The following OR1B1 variants were observed in gnomAD, a reference collection of about 807,000 sequenced individuals.
OR1B1 encodes the protein olfactory receptor 1B1.
For missense variants in OR1B1, 414 were observed against 402.1 expected, an observed-to-expected ratio of 1.03 and a Z score of -0.25; for synonymous variants, 168 against 156.2, an observed-to-expected ratio of 1.08 and a Z score of -0.57.
At chr9:122,655,645 A>G in the OR1B1 span, among the ~76,000 whole-genome samples, 1 of 139,210 alleles carries the variant, frequency 7.2e-6, no homozygotes, top group South Asian at 2.6e-4. Context: ...CAATGAGAAC[A>G]CATGGACACA....
chr9:122,633,157 C>A (rs144087645), upstream of OR1B1, among the ~76,000 whole-genome samples: 21 of 152,192 alleles, frequency 1.4e-4, 1 homozygote, highest in South Asian at 2.9e-3. Context: ...GGGGACACAG[C>A]CAAACCATAT....
Position 122,628,809 on chromosome 9 carries a change from C to T in OR1B1, c.727G>A (p.Ala243Thr). 6.2e-7 allele frequency: 1 copy of T among 1,614,088 alleles called. No homozygotes were observed. The highest frequency in any genetic ancestry group is 1.7e-5 in the Admixed American group (1 of 60,022). Residue 243 changes from alanine (A) to threonine (T), a missense_variant, in exon 1 of 1, where the codon GCA (alanine) becomes ACA (threonine). Coordinates refer to ENST00000623530, the Ensembl canonical transcript of OR1B1. Reference sequence around the variant, plus strand: ...AGGTGGGATCCACAGGTGGAGACTGCTCGGCGGCGACCAGCAGCTGAAGGC... The same window carrying T: ...AGGTGGGATCCACAGGTGGAGACTGTTCGGCGGCGACCAGCAGCTGAAGGC...
chr9:122,628,201 A>G (rs1483451079), downstream of OR1B1, among the ~76,000 whole-genome samples: 2 of 152,040 alleles, frequency 1.3e-5, no homozygotes, highest in Non-Finnish European at 2.9e-5. Flanking sequence ...AAGAACACAC[A>G]CCAACCTAAA....
the OR1B1 span, among the ~76,000 whole-genome samples, chr9:122,650,675 T>G: frequency 6.6e-6 from 1 of 152,034 alleles, no homozygotes; most frequent in African/African-American, 2.4e-5. Flanking sequence ...AAGAATAACA[T>G]AAAAATGATA....
chr9:122,639,182 TA>T, the OR1B1 span, among the ~76,000 whole-genome samples: 1 of 152,202 alleles, frequency 6.6e-6, no homozygotes, highest in Non-Finnish European at 1.5e-5. Flanking sequence ...AATCTTGAGT[TA>T]ATCATCTTCT....
At chr9:122,637,685 G>A in the OR1B1 span, among the ~76,000 whole-genome samples, 5 of 152,202 alleles carry the variant, frequency 3.3e-5, no homozygotes, top group African/African-American at 1.2e-4. Flanking sequence ...TTCTTAGTTT[G>A]CAAACATTTT....
chr9:122,641,803 G>T, the OR1B1 span, among the ~76,000 whole-genome samples: 19,628 of 152,140 alleles, frequency 0.13, 3,731 homozygotes, highest in African/African-American at 0.42. Flanking sequence ...TTAGCTCAAT[G>T]TAGCCATTTC....
At chr9:122,629,145 G>A (rs777618604) in exon 1 of OR1B1, 1 of 1,613,998 alleles carries the variant, frequency 6.2e-7, no homozygotes, top group African/African-American at 1.3e-5. Flanking sequence ...TAGTGCAGGG[G>A]GTCACAGATG....
the OR1B1 span, among the ~76,000 whole-genome samples, chr9:122,638,380 A>G: frequency 6.6e-6 from 1 of 152,210 alleles, no homozygotes; most frequent in Non-Finnish European, 1.5e-5. Flanking sequence ...TATACTGTGA[A>G]GCTTTTCCTA....
the OR1B1 span, among the ~76,000 whole-genome samples, chr9:122,636,924 CAT>C: frequency 2.0e-5 from 3 of 152,212 alleles, no homozygotes; most frequent in Non-Finnish European, 4.4e-5. Flanking sequence ...TAAAGGAGAA[CAT>C]ATTCCGTTAA....
At chr9:122,633,168 CAA>C (rs1830222042), upstream of OR1B1, among the ~76,000 whole-genome samples, 1 of 152,046 alleles carries the variant, frequency 6.6e-6, no homozygotes, top group Non-Finnish European at 1.5e-5. Context: ...CAAACCATAT[CAA>C]GAGTTAAGAA....
chr9:122,635,635 C>T, the OR1B1 span, among the ~76,000 whole-genome samples: 1 of 151,966 alleles, frequency 6.6e-6, no homozygotes, highest in Non-Finnish European at 1.5e-5. Context: ...ATGTTGTACA[C>T]ATTAAATATA....
chr9:122,647,076 G>T, the OR1B1 span, among the ~76,000 whole-genome samples: 2 of 152,110 alleles, frequency 1.3e-5, no homozygotes, highest in African/African-American at 4.8e-5. Context: ...GACTTAATCT[G>T]CACTATAAAA....
the OR1B1 span, among the ~76,000 whole-genome samples, chr9:122,641,368 C>A: frequency 6.6e-6 from 1 of 152,094 alleles, no homozygotes; most frequent in Non-Finnish European, 1.5e-5. Context: ...TTCCATGTTT[C>A]CAAAAGTAAT....
chr9:122,635,081 A>C, the OR1B1 span, among the ~76,000 whole-genome samples: 1 of 152,212 alleles, frequency 6.6e-6, no homozygotes, highest in African/African-American at 2.4e-5. Flanking sequence ...CTGCACTCCC[A>C]TGTTCACTGC....
At chr9:122,637,831 C>A in the OR1B1 span, among the ~76,000 whole-genome samples, 1 of 152,100 alleles carries the variant, frequency 6.6e-6, no homozygotes, top group South Asian at 2.1e-4. Flanking sequence ...AATGGATATA[C>A]AGATACAGAA....
upstream of OR1B1, among the ~76,000 whole-genome samples, chr9:122,630,684 C>T (rs1475848452): frequency 2.7e-5 from 4 of 150,046 alleles, no homozygotes; most frequent in African/African-American, 7.3e-5. Flanking sequence ...TACTGAGTCA[C>T]CTATCCAGGG....
chr9:122,642,911 C>T, the OR1B1 span, among the ~76,000 whole-genome samples: 1 of 152,142 alleles, frequency 6.6e-6, no homozygotes, highest in Non-Finnish European at 1.5e-5. Context: ...GTGCTAATAA[C>T]ATCTAATGTT....
At chr9:122,649,903 A>G in the OR1B1 span, among the ~76,000 whole-genome samples, 1 of 152,242 alleles carries the variant, frequency 6.6e-6, no homozygotes, top group South Asian at 2.1e-4. Flanking sequence ...TACTGAGTAT[A>G]TACTCAAAGG....
Sources: gnomAD v4.1 joint callset for allele counts (sites outside exome capture counted in the v4.1 genomes callset) on GRCh38, gnomAD v4.1.1 for gene constraint, MANE v1.5 for transcripts, NCBI Gene and HGNC (gene_info 2026-07-23, HGNC 2026-07-21) for gene names.